Variants in RHEB observed in about 807,000 individuals in gnomAD.
The protein encoded by RHEB is GTP-binding protein Rheb.
RHEB carries 2 observed loss-of-function variants against 28.8 expected under a neutral mutation model. The observed-to-expected ratio is 0.07, with a 90% CI of 0.03 to 0.22. RHEB has a LOEUF of 0.22. Ranked by LOEUF, RHEB falls within the 10% of genes least tolerant of loss-of-function variation. The probability of loss-of-function intolerance (pLI) is 1.00; values close to 1 mark genes in which losing one functional copy is unlikely to be tolerated. For missense variants in RHEB, 76 were observed against 219.9 expected, an observed-to-expected ratio of 0.35 and a Z score of 4.14; for synonymous variants, 69 against 77.3, an observed-to-expected ratio of 0.89 and a Z score of 0.56.
In RHEB at chr7:151,503,051, C is replaced by T. The variant is rs11974124; in HGVS notation, c.53-12037G>A. On this transcript the variant is annotated intron_variant, in intron 1 of 7. Transcript: ENST00000262187. ...CTTTGATGAAATCACCCAGGACACG[C>T]GAAAGTACTGTTTTGGCGTTGAAGA... 8,219 of 789,924 alleles carry T rather than the reference C, an allele frequency of 0.01. 408 individuals are homozygous for T. In the African/African-American group the frequency reaches 0.12, roughly 11 times the overall value. 48.9% of individuals were successfully genotyped at this position (789,924 alleles called of 1,614,324 possible).
At chr7:151,484,454 TC>T (rs1381140108) in intron 3 of RHEB, among the ~76,000 whole-genome samples, 75 of 152,226 alleles carry the variant, frequency 4.9e-4, no homozygotes, top group Non-Finnish European at 1.8e-4. Flanking sequence ...CATTTAGTTA[TC>T]TGTGTAAGCT....
chr7:151,479,672 G>C (rs1039928069), intron 3 of RHEB, among the ~76,000 whole-genome samples: 4 of 123,552 alleles, frequency 3.2e-5, no homozygotes, highest in African/African-American at 1.3e-4. Flanking sequence ...GATAGAGCGA[G>C]ACTCCGTCTC....
At chr7:151,505,207 A>T (rs550589749) in intron 1 of RHEB, among the ~76,000 whole-genome samples, 1 of 152,098 alleles carries the variant, frequency 6.6e-6, no homozygotes, top group Non-Finnish European at 1.5e-5. Context: ...GTTTCATCAA[A>T]CTTACAAACT....
At chr7:151,499,678 T>A (rs1802737542) in intron 1 of RHEB, among the ~76,000 whole-genome samples, 1 of 152,194 alleles carries the variant, frequency 6.6e-6, no homozygotes, top group South Asian at 2.1e-4. Context: ...CCAACTGAAG[T>A]CCTACTCCAC....
At chr7:151,479,638 G>C (rs934113591) in intron 3 of RHEB, among the ~76,000 whole-genome samples, 4 of 146,980 alleles carry the variant, frequency 2.7e-5, no homozygotes, top group Non-Finnish European at 5.9e-5. Flanking sequence ...AGCCGAGATC[G>C]CGCCACAGCA....
chr7:151,501,188 C>G (rs1184659423), intron 1 of RHEB, among the ~76,000 whole-genome samples: 1 of 152,146 alleles, frequency 6.6e-6, no homozygotes, highest in African/African-American at 2.4e-5. Context: ...AATGAAAAGA[C>G]AGGCCACAGA....
intron 3 of RHEB, among the ~76,000 whole-genome samples, chr7:151,481,733 T>C (rs1044857561): frequency 1.3e-5 from 2 of 152,212 alleles, no homozygotes; most frequent in Non-Finnish European, 2.9e-5. Context: ...GTAGCCAAAT[T>C]TGGATATATT....
At chr7:151,479,493 T>C (rs994737252) in intron 3 of RHEB, among the ~76,000 whole-genome samples, 6 of 152,044 alleles carry the variant, frequency 3.9e-5, no homozygotes, top group East Asian at 3.9e-4. Context: ...TCATCCTGGC[T>C]AACACAGTGA....
intron 1 of RHEB, among the ~76,000 whole-genome samples, chr7:151,513,546 G>GT (rs1170484325): frequency 6.6e-6 from 1 of 152,192 alleles, no homozygotes; most frequent in Non-Finnish European, 1.5e-5. Context: ...GAAGATCTGC[G>GT]TAACGATGAA....
At chr7:151,501,828 C>T (rs748862179) in intron 1 of RHEB, 86 of 461,394 alleles carry the variant, frequency 1.9e-4, no homozygotes, top group Non-Finnish European at 2.8e-4. Context: ...CGGTGTCCTA[C>T]CAGCCGCTGC....
At chr7:151,490,241 C>A (rs1470196000) in intron 2 of RHEB, among the ~76,000 whole-genome samples, 2 of 152,106 alleles carry the variant, frequency 1.3e-5, no homozygotes, top group African/African-American at 2.4e-5. Flanking sequence ...ATATTGAGTC[C>A]AGCCTGGGTA....
chr7:151,494,745 TG>T (rs1272114628), intron 1 of RHEB, among the ~76,000 whole-genome samples: 1 of 152,230 alleles, frequency 6.6e-6, no homozygotes, highest in Non-Finnish European at 1.5e-5. Flanking sequence ...ACGTTTCCCT[TG>T]GGTCTCTCCT....
chr7:151,500,640 T>C (rs1802757359), intron 1 of RHEB, among the ~76,000 whole-genome samples: 1 of 152,132 alleles, frequency 6.6e-6, no homozygotes, highest in African/African-American at 2.4e-5. Flanking sequence ...GGTCAGGAGT[T>C]TGAGACAAGC....
intron 1 of RHEB, among the ~76,000 whole-genome samples, chr7:151,512,090 T>G (rs1239255187): frequency 1.3e-5 from 2 of 152,220 alleles, no homozygotes; most frequent in Non-Finnish European, 1.5e-5. Flanking sequence ...TACTTCAGAA[T>G]AAATTAGAAC....
At chr7:151,502,348 G>A (rs962237146) in intron 1 of RHEB, 5 of 831,188 alleles carry the variant, frequency 6.0e-6, no homozygotes, top group Admixed American at 5.3e-5. Flanking sequence ...TATCAGATGA[G>A]TTTGGAACTG....
At chr7:151,505,935 AAACT>A (rs147478022) in intron 1 of RHEB, among the ~76,000 whole-genome samples, 4,855 of 152,224 alleles carry the variant, frequency 0.032, 223 homozygotes, top group African/African-American at 0.11. Context: ...AGGGTAAGAA[AAACT>A]AACCCAGAGT....
rs1291673112 is a variant in RHEB, at chr7:151,468,257, G to C, written c.463-1046C>G. On this transcript the variant is annotated intron_variant, in intron 7 of 7. Coordinates refer to ENST00000262187, the MANE Select transcript of RHEB (RefSeq NM_005614.4). This position sits in a 1 kb window ranked among gnomAD's most constrained non-coding sequence, Gnocchi z 4.3. Reference sequence around the variant, plus strand: ...CAATTCTCAGCCCCACAAGGGGCCTGATTTGTTGACCCTATTATTACATCT... The same window carrying C: ...CAATTCTCAGCCCCACAAGGGGCCTCATTTGTTGACCCTATTATTACATCT... Among the ~76,000 whole-genome samples, 1 of 152,190 alleles carries C rather than the reference G, an allele frequency of 6.6e-6. No individual in the cohort carries two copies. The highest frequency in any genetic ancestry group is 2.4e-5 in the African/African-American group (1 of 41,452).
In RHEB at chr7:151,472,958, A is replaced by G. The variant is rs1802189529; in HGVS notation, c.276-1353T>C. 6.6e-6 allele frequency among the ~76,000 whole-genome samples: 1 copy of G among 152,210 alleles called. No homozygotes were observed. Among genetic ancestry groups the G allele is most frequent in the Non-Finnish European group, 1.5e-5 (1 of 68,038 alleles). ...CGCATGCTGTATTTGCCTATCTTTA[A>G]AAGTGTCGCCACTTGGGCAAAAATA... is the stretch of plus-strand genomic sequence containing the variant. On this transcript the variant is annotated intron_variant, in intron 4 of 7. Coordinates refer to ENST00000262187, the MANE Select transcript of RHEB (RefSeq NM_005614.4). The surrounding 1 kb of genome is among the most constrained non-coding windows in gnomAD (Gnocchi z 5.2).
chr7:151,484,887 A>G, intron 2 of RHEB, 83 bp from the exon 3 acceptor site: 2 of 873,152 alleles, frequency 2.3e-6, no homozygotes, highest in Non-Finnish European at 3.8e-6. Flanking sequence ...CAACCAATCA[A>G]GCACAGAGTC....
Sources: allele counts gnomAD v4.1 joint callset (sites outside exome capture counted in the v4.1 genomes callset), GRCh38; gene constraint gnomAD v4.1.1; non-coding constraint Gnocchi (gnomAD v3.1); transcripts MANE v1.5; gene names NCBI Gene and HGNC (gene_info 2026-07-23, HGNC 2026-07-21).